TMC3: variants seen among roughly 807,000 people sequenced by gnomAD.
The protein encoded by TMC3 is transmembrane channel-like protein 3.
Under a neutral mutation model 110.6 loss-of-function variants are expected in TMC3, and 98 were observed. That is an observed-to-expected ratio of 0.89 (90% confidence interval 0.75 to 1.05). The LOEUF is 1.05. TMC3 is among the 50% of genes least tolerant of loss of function. TMC3 has a pLI of 0.00. For missense variants in TMC3, 1,319 were observed against 1,373.2 expected, an observed-to-expected ratio of 0.96 and a Z score of 0.62; for synonymous variants, 489 against 513.1, an observed-to-expected ratio of 0.95 and a Z score of 0.63.
At chr15:81,373,561 T>C (rs1894483644) in intron 1 of TMC3, among the ~76,000 whole-genome samples, 1 of 152,378 alleles carries the variant, frequency 6.6e-6, no homozygotes, top group African/African-American at 2.4e-5. Flanking sequence ...ACTAGACCTT[T>C]ATAAATATTT....
At position 81,349,498 on chromosome 15, in the gene TMC3, T is replaced by C. The variant is rs1893896309; in HGVS notation, c.1153A>G (p.Met385Val). ...CGCAGCGTGGTCCTGGGGTGGTACATCTCTAAGGCAGCAATGAGGTCAAAG... is the reference window on the plus strand; with the variant it reads ...CGCAGCGTGGTCCTGGGGTGGTACACCTCTAAGGCAGCAATGAGGTCAAAG... The part of the protein sequence containing the change: ...SAFDLIAALE[M>V]YHPRTTLRFQ... Residue 385 changes from methionine (M) to valine (V), a missense_variant, in exon 11 of 22, where the codon ATG (methionine) becomes GTG (valine). By Grantham distance (21) the Met-to-Val change is conservative (BLOSUM62 1). Coordinates refer to ENST00000359440, the MANE Select transcript of TMC3 (RefSeq NM_001080532.3). The C allele has an allele frequency of 4.5e-6, 7 of 1,559,210 alleles. No individual in the cohort carries two copies. The East Asian group carries it at 1.7e-4, about 39-fold the overall frequency.
At chr15:81,343,070 A>G (rs1050465007) in intron 15 of TMC3, 5 of 501,562 alleles carry the variant, frequency 1.0e-5, no homozygotes, top group African/African-American at 5.8e-5. Flanking sequence ...TAGCTTAAAC[A>G]TGGATTATTT....
At chr15:81,346,089 G>A (rs1234610550) in intron 12 of TMC3, among the ~76,000 whole-genome samples, 1 of 152,158 alleles carries the variant, frequency 6.6e-6, no homozygotes, top group Non-Finnish European at 1.5e-5. Flanking sequence ...TCAAAGAAAT[G>A]GGGTAGTATG....
intron 20 of TMC3, among the ~76,000 whole-genome samples, chr15:81,335,331 T>G (rs1350356298): frequency 6.6e-6 from 1 of 152,234 alleles, no homozygotes; most frequent in Non-Finnish European, 1.5e-5. Context: ...TTGGAAACAG[T>G]TCACATGCAT....
At chr15:81,369,055 A>T (rs1248446601) in intron 2 of TMC3, among the ~76,000 whole-genome samples, 1 of 151,890 alleles carries the variant, frequency 6.6e-6, no homozygotes, top group African/African-American at 2.4e-5. Context: ...ATCATATACC[A>T]CCCCATGCAG....
At chr15:81,371,994 G>T (rs991125436) in intron 2 of TMC3, among the ~76,000 whole-genome samples, 3 of 152,060 alleles carry the variant, frequency 2.0e-5, no homozygotes, top group African/African-American at 7.2e-5. Flanking sequence ...GATAGAAATT[G>T]GTAAAGGCAG....
Position 81,332,612 on chromosome 15 carries a change from G to T in TMC3, c.3110C>A (p.Ser1037Tyr), listed in dbSNP as rs775993132. Residue 1037 changes from serine (S) to tyrosine (Y), a missense_variant, in exon 22 of 22, where the codon TCC (serine) becomes TAC (tyrosine). Transcript: ENST00000359440. ...CGACACGGAGTCAGATTCCGTGAGG[G>T]ATGGCTCGAACCTGGGCTTCCCTCT... ...KPRGKPRFEPSLTESDSVSAA... is the reference protein window; with the variant it reads ...KPRGKPRFEPYLTESDSVSAA... 3 of 1,614,038 alleles carry T rather than the reference G, an allele frequency of 1.9e-6. No homozygotes were observed. Among genetic ancestry groups the T allele is most frequent in the Non-Finnish European group, 2.5e-6 (3 of 1,179,896 alleles).
At chr15:81,345,973 C>G (rs2141701895) in intron 12 of TMC3, among the ~76,000 whole-genome samples, 1 of 152,256 alleles carries the variant, frequency 6.6e-6, no homozygotes, top group South Asian at 2.1e-4. Flanking sequence ...TGAACTGTTC[C>G]CCATGAAATG....
intron 16 of TMC3, among the ~76,000 whole-genome samples, chr15:81,340,012 C>T (rs1221031258): frequency 1.3e-5 from 2 of 152,178 alleles, no homozygotes; most frequent in African/African-American, 2.4e-5. Flanking sequence ...ATGTGGCTGC[C>T]CAGGGTATGT....
intron 2 of TMC3, among the ~76,000 whole-genome samples, chr15:81,369,732 T>G (rs985663313): frequency 2.6e-5 from 4 of 152,004 alleles, no homozygotes; most frequent in African/African-American, 9.7e-5. Flanking sequence ...AAGACCATCC[T>G]GGGCAATACA....
At chr15:81,333,972 A>C (rs1212735738) in intron 21 of TMC3, among the ~76,000 whole-genome samples, 5 of 151,926 alleles carry the variant, frequency 3.3e-5, no homozygotes, top group Non-Finnish European at 4.4e-5. Context: ...CCTGGGTGAC[A>C]AGAGCAAAAC....
At chr15:81,348,913 A>G (rs1179550635) in intron 11 of TMC3, among the ~76,000 whole-genome samples, 1 of 152,174 alleles carries the variant, frequency 6.6e-6, no homozygotes, top group African/African-American at 2.4e-5. Context: ...ACCTCTGCCA[A>G]GCGATTCTCC....
rs887301665 is a variant in TMC3 at position 81,337,771 on chromosome 15, G to C, written c.2160+75C>G. On this transcript the variant is annotated intron_variant, in intron 19 of 21. Transcript: ENST00000359440. ...AAACCTTGAAGATGTGACTTCACTT[G>C]TATTCCCACGCTGGCGGGATCTCAG... The C allele has an allele frequency of 2.3e-6, 3 of 1,298,392 alleles. No individual in the cohort carries two copies. In the African/African-American group the frequency reaches 4.4e-5, roughly 19 times the overall value. The allele number at this position is 1,298,392 out of a possible 1,614,324, so 80.4% of individuals were successfully genotyped here.
intron 15 of TMC3, 55 bp from the exon 16 acceptor site, chr15:81,341,573 G>A (rs1893717335): frequency 4.5e-6 from 7 of 1,565,194 alleles, no homozygotes; most frequent in Middle Eastern, 1.7e-4. Context: ...CTATCTCCCA[G>A]GACTATGGAA....
intron 11 of TMC3, 93 bp from the exon 12 acceptor site, chr15:81,346,536 T>A: frequency 3.2e-6 from 4 of 1,264,724 alleles, no homozygotes; most frequent in Non-Finnish European, 4.5e-6. Flanking sequence ...CTGTCATGGA[T>A]ATATTAAGGC....
intron 15 of TMC3, chr15:81,341,721 C>A: frequency 2.6e-6 from 1 of 391,496 alleles, no homozygotes; most frequent in Non-Finnish European, 4.6e-6. Flanking sequence ...GGGTATTGAT[C>A]CTATTTTAAA....
chr15:81,357,819 A>G (rs538055616), intron 7 of TMC3, among the ~76,000 whole-genome samples: 19 of 152,228 alleles, frequency 1.2e-4, no homozygotes, highest in Non-Finnish European at 1.9e-4. Flanking sequence ...CTAAAATTAC[A>G]TGAACTGGTA....
Position 81,332,250 on chromosome 15 carries a change from A to T in TMC3, c.*169T>A. The T allele has an allele frequency of 1.0e-6, 1 of 959,774 alleles. No homozygotes were observed. Among genetic ancestry groups the T allele is most frequent in the Non-Finnish European group, 1.5e-6 (1 of 675,374 alleles). 59.5% of individuals were successfully genotyped at this position (959,774 alleles called of 1,614,324 possible). ...ATTTGGCTAACAGTAGCTGTAGAAT[A>T]GGTATCTGTAGCCCTGTCAGCCTCA... On this transcript the variant is annotated 3_prime_UTR_variant, in exon 22 of 22. Transcript: ENST00000359440.
chr15:81,360,835 G>A (rs1894172253), intron 4 of TMC3, among the ~76,000 whole-genome samples: 1 of 152,152 alleles, frequency 6.6e-6, no homozygotes, highest in African/African-American at 2.4e-5. Context: ...GCAATTCTCT[G>A]AAGGGGAGCA....
Sources: gnomAD v4.1 joint callset for allele counts (sites outside exome capture counted in the v4.1 genomes callset) on GRCh38, gnomAD v4.1.1 for gene constraint, MANE v1.5 for transcripts, NCBI Gene and HGNC (gene_info 2026-07-23, HGNC 2026-07-21) for gene names.